The following EPHA3 variants were observed in gnomAD, a reference collection of about 807,000 sequenced individuals.
The protein encoded by EPHA3 is EPH receptor A3.
A neutral mutation model predicts 107.1 loss-of-function variants in EPHA3; 42 were observed. The observed-to-expected ratio is 0.39, with a 90% CI of 0.31 to 0.51. The LOEUF (loss-of-function observed/expected upper bound fraction) is 0.51, where lower values mean the gene tolerates loss of function less well. Among genes scored for constraint, EPHA3 ranks in the 20% least tolerant of loss-of-function variants. EPHA3 has a pLI of 0.78. For missense variants in EPHA3, 1,183 were observed against 1,211.2 expected, an observed-to-expected ratio of 0.98 and a Z score of 0.35; for synonymous variants, 461 against 424.8, an observed-to-expected ratio of 1.09 and a Z score of -1.05.
chr3:89,300,062 T>A (rs1196366765), intron 3 of EPHA3, among the ~76,000 whole-genome samples: 2 of 152,046 alleles, frequency 1.3e-5, no homozygotes, highest in East Asian at 1.9e-4. Flanking sequence ...ATGCTAGTAC[T>A]TACCAGGACT....
rs2107180692 is a variant in EPHA3 at position 89,209,885 on chromosome 3, A to G, written c.179A>G (p.Glu60Gly). ...HGWEEISGVD[E>G]HYTPIRTYQV... The stretch of plus-strand genomic sequence containing the variant: ...TGGGAAGAGATCAGTGGTGTGGATG[A>G]ACATTACACACCCATCAGGACTTAC... The change falls in exon 3 of 17, where the codon GAA becomes GGA. Residue 60 changes from glutamate (E) to glycine (G), a missense_variant. By Grantham distance (98) the Glu-to-Gly change is moderately conservative (BLOSUM62 -2). Coordinates refer to ENST00000336596, the MANE Select transcript of EPHA3 (RefSeq NM_005233.6). The G allele has an allele frequency of 6.2e-7, 1 of 1,608,396 alleles. No individual in the cohort carries two copies. Among genetic ancestry groups the G allele is most frequent in the East Asian group, 2.2e-5 (1 of 44,806 alleles).
At chr3:89,397,514 T>A (rs1708872945) in intron 6 of EPHA3, among the ~76,000 whole-genome samples, 1 of 152,024 alleles carries the variant, frequency 6.6e-6, no homozygotes, top group Non-Finnish European at 1.5e-5. Flanking sequence ...TCTGCACCTT[T>A]CACAAACATG....
intron 3 of EPHA3, among the ~76,000 whole-genome samples, chr3:89,306,517 T>A (rs1706626771): frequency 6.6e-6 from 1 of 152,166 alleles, no homozygotes; most frequent in African/African-American, 2.4e-5. Context: ...AAACTTTCTC[T>A]AAAAGTATTA....
At chr3:89,161,869 T>A (rs1428882584) in intron 2 of EPHA3, among the ~76,000 whole-genome samples, 3 of 151,812 alleles carry the variant, frequency 2.0e-5, no homozygotes, top group Non-Finnish European at 4.4e-5. Context: ...CTCAGCTACC[T>A]GAGAGGCTGA....
chr3:89,302,013 A>G (rs1706503611), intron 3 of EPHA3, among the ~76,000 whole-genome samples: 1 of 152,186 alleles, frequency 6.6e-6, no homozygotes, highest in Admixed American at 6.5e-5. Context: ...GAAAAGTTAT[A>G]AATTCTTCAT....
chr3:89,162,919 CG>C (rs1004340514), intron 2 of EPHA3, among the ~76,000 whole-genome samples: 39 of 152,278 alleles, frequency 2.6e-4, no homozygotes, highest in African/African-American at 9.1e-4. Flanking sequence ...TCCCAGCAGC[CG>C]GGGCTGCAGT....
chr3:89,421,129 A>G (rs893139998), intron 11 of EPHA3, among the ~76,000 whole-genome samples: 1 of 151,360 alleles, frequency 6.6e-6, no homozygotes, highest in African/African-American at 2.4e-5. Context: ...TCGTTACTTT[A>G]AAAATCTTCT....
chr3:89,155,902 A>G (rs1032139327), intron 2 of EPHA3, among the ~76,000 whole-genome samples: 2 of 152,024 alleles, frequency 1.3e-5, no homozygotes, highest in African/African-American at 4.8e-5. Flanking sequence ...TGGTAGGAGT[A>G]ATTACAGCTG....
At chr3:89,274,036 G>C (rs1396908857) in intron 3 of EPHA3, among the ~76,000 whole-genome samples, 1 of 151,916 alleles carries the variant, frequency 6.6e-6, no homozygotes, top group East Asian at 1.9e-4. Context: ...TTTGACCTCA[G>C]CTGAGAACAT....
At chr3:89,439,879 T>C (rs1194549203) in intron 13 of EPHA3, among the ~76,000 whole-genome samples, 1 of 152,164 alleles carries the variant, frequency 6.6e-6, no homozygotes, top group African/African-American at 2.4e-5. Context: ...GAAAGTAACA[T>C]AAGCATTATG....
intron 3 of EPHA3, among the ~76,000 whole-genome samples, chr3:89,258,624 A>G (rs1705342139): frequency 6.6e-6 from 1 of 152,222 alleles, no homozygotes; most frequent in Non-Finnish European, 1.5e-5. Context: ...AAAGAAATAC[A>G]GCGGTTCATT....
intron 11 of EPHA3, among the ~76,000 whole-genome samples, chr3:89,422,754 G>A (rs558373074): frequency 6.6e-6 from 1 of 151,300 alleles, no homozygotes; most frequent in Middle Eastern, 3.4e-3. Context: ...ATTGTTATTC[G>A]ATTGTGTGCT....
chr3:89,150,754 C>T (rs558485426), intron 2 of EPHA3, among the ~76,000 whole-genome samples: 1 of 152,096 alleles, frequency 6.6e-6, no homozygotes, highest in South Asian at 2.1e-4. Context: ...TTCAAGTAGA[C>T]CAGAATATCA....
chr3:89,119,425 C>A (rs1259737124), intron 1 of EPHA3, among the ~76,000 whole-genome samples: 1 of 152,054 alleles, frequency 6.6e-6, no homozygotes, highest in East Asian at 1.9e-4. Flanking sequence ...TCCATTGACA[C>A]CATGCTCCTA....
At chr3:89,193,229 C>G (rs1705760078) in intron 2 of EPHA3, among the ~76,000 whole-genome samples, 1 of 151,942 alleles carries the variant, frequency 6.6e-6, no homozygotes, top group Admixed American at 6.6e-5. Context: ...ATAAAGACAA[C>G]AAGATCTTTG....
intron 9 of EPHA3, among the ~76,000 whole-genome samples, chr3:89,409,686 G>A (rs1709121131): frequency 6.6e-6 from 1 of 151,998 alleles, no homozygotes; most frequent in African/African-American, 2.4e-5. Context: ...TAAACTTTCT[G>A]CATCTTAATA....
intron 2 of EPHA3, among the ~76,000 whole-genome samples, chr3:89,201,000 T>C (rs1383600266): frequency 2.0e-5 from 3 of 152,134 alleles, no homozygotes; most frequent in Non-Finnish European, 4.4e-5. Flanking sequence ...TATTAGTCTG[T>C]TTTCACGTTG....
chr3:89,172,194 T>G (rs1705227096), intron 2 of EPHA3, among the ~76,000 whole-genome samples: 1 of 152,166 alleles, frequency 6.6e-6, no homozygotes, highest in Non-Finnish European at 1.5e-5. Flanking sequence ...ATGCGTGTTG[T>G]TGTGAACATT....
At chr3:89,441,391 G>A (rs1316152595) in intron 13 of EPHA3, among the ~76,000 whole-genome samples, 1 of 152,200 alleles carries the variant, frequency 6.6e-6, no homozygotes, top group Non-Finnish European at 1.5e-5. Flanking sequence ...CTTGCTCCAA[G>A]CAACTGGAAG....
Sources: gnomAD v4.1 joint callset for allele counts (sites outside exome capture counted in the v4.1 genomes callset) on GRCh38, gnomAD v4.1.1 for gene constraint, MANE v1.5 for transcripts, NCBI Gene and HGNC (gene_info 2026-07-23, HGNC 2026-07-21) for gene names.